The following TENM4 variants were observed in gnomAD, a reference collection of about 807,000 sequenced individuals.
TENM4 encodes the protein teneurin transmembrane protein 4.
Under a neutral mutation model 243.3 loss-of-function variants are expected in TENM4, and 82 were observed. The ratio of observed to expected loss-of-function variants is 0.34; its 90% CI spans 0.28 to 0.40. TENM4 has a LOEUF of 0.40. TENM4 is among the 10% of genes least tolerant of loss of function. The pLI is 1.00. For synonymous variants in TENM4, 1,412 were observed against 1,456.3 expected (o/e 0.97, Z 0.69); for missense variants, 3,138 against 3,673.3 (o/e 0.85, Z 3.77).
At chr11:79,385,096 A>T (rs994966437) in intron 1 of TENM4, among the ~76,000 whole-genome samples, 9 of 152,128 alleles carry the variant, frequency 5.9e-5, no homozygotes, top group Non-Finnish European at 1.3e-4. Flanking sequence ...CATTGGAGAG[A>T]AAGAAAGGCT....
At chr11:78,720,701 A>G (rs553374840) in intron 24 of TENM4, among the ~76,000 whole-genome samples, 12 of 152,334 alleles carry the variant, frequency 7.9e-5, no homozygotes, top group Admixed American at 7.2e-4. Flanking sequence ...AGATTGGAAT[A>G]GTGGATTCTC....
At chr11:78,798,132 A>T (rs1213170008) in intron 15 of TENM4, among the ~76,000 whole-genome samples, 1 of 152,238 alleles carries the variant, frequency 6.6e-6, no homozygotes, top group Non-Finnish European at 1.5e-5. Flanking sequence ...CATTAATAAG[A>T]ATTAAATTCT....
At chr11:79,085,187 A>G (rs2137038193) in intron 4 of TENM4, among the ~76,000 whole-genome samples, 1 of 151,876 alleles carries the variant, frequency 6.6e-6, no homozygotes, top group Non-Finnish European at 1.5e-5. Context: ...CCTGGCTAAC[A>G]TGGTGAAACC....
chr11:79,439,874 G>T (rs942996384), intron 1 of TENM4, among the ~76,000 whole-genome samples: 1 of 152,120 alleles, frequency 6.6e-6, no homozygotes, highest in African/African-American at 2.4e-5. Context: ...TCCATCTGGC[G>T]GCTGCAGCCT....
intron 28 of TENM4, among the ~76,000 whole-genome samples, chr11:78,697,528 A>C (rs2135751504): frequency 6.6e-6 from 1 of 152,342 alleles, no homozygotes. Context: ...CGTTGGGAGC[A>C]CTGGCAGTGC....
intron 6 of TENM4, among the ~76,000 whole-genome samples, chr11:78,967,698 C>T (rs1857465614): frequency 6.6e-6 from 1 of 152,110 alleles, no homozygotes; most frequent in African/African-American, 2.4e-5. Flanking sequence ...TCCCACATGT[C>T]CTGGTTATCA....
chr11:78,752,595 C>A (rs559738612), intron 19 of TENM4, among the ~76,000 whole-genome samples: 1 of 152,350 alleles, frequency 6.6e-6, no homozygotes, highest in African/African-American at 2.4e-5. Flanking sequence ...TGGCACAGCA[C>A]ATGGGGTGCA....
At chr11:79,218,378 G>C (rs1440429244) in intron 2 of TENM4, among the ~76,000 whole-genome samples, 1 of 152,090 alleles carries the variant, frequency 6.6e-6, no homozygotes, top group Non-Finnish European at 1.5e-5. Flanking sequence ...GTGGCTTTTA[G>C]GACACAGAGC....
chr11:79,016,973 A>G (rs1432249710), intron 6 of TENM4, among the ~76,000 whole-genome samples: 1 of 152,242 alleles, frequency 6.6e-6, no homozygotes, highest in Non-Finnish European at 1.5e-5. Context: ...AGGAGGGACT[A>G]TAAGACCTAT....
At chr11:78,886,263 T>C (rs1855548276) in intron 9 of TENM4, among the ~76,000 whole-genome samples, 1 of 152,252 alleles carries the variant, frequency 6.6e-6, no homozygotes, top group Non-Finnish European at 1.5e-5. Flanking sequence ...TTTTGCCTGT[T>C]GATTAGATCG....
chr11:79,002,195 G>T (rs1440169668), intron 6 of TENM4, among the ~76,000 whole-genome samples: 7 of 152,162 alleles, frequency 4.6e-5, no homozygotes, highest in African/African-American at 1.7e-4. Flanking sequence ...TTCTGTAAAC[G>T]TGTGCACAGA....
intron 2 of TENM4, among the ~76,000 whole-genome samples, chr11:79,276,259 C>T (rs1023024492): frequency 3.9e-5 from 6 of 152,236 alleles, no homozygotes; most frequent in Admixed American, 2.0e-4. Flanking sequence ...TAATGGCATA[C>T]TGTATAAGAC....
At chr11:78,950,798 T>A (rs575944755) in intron 6 of TENM4, among the ~76,000 whole-genome samples, 1 of 152,346 alleles carries the variant, frequency 6.6e-6, no homozygotes, top group African/African-American at 2.4e-5. Flanking sequence ...ACTCCGAGGT[T>A]AAAAGCATTT....
At chr11:78,845,731 C>A (rs1331352841) in intron 12 of TENM4, among the ~76,000 whole-genome samples, 1 of 151,800 alleles carries the variant, frequency 6.6e-6, no homozygotes, top group East Asian at 1.9e-4. Flanking sequence ...GTGGAAAAGC[C>A]AGCTGGCAAA....
intron 21 of TENM4, 143 bp from the exon 22 acceptor site, chr11:78,729,786 A>T (rs1855608208): frequency 2.7e-6 from 3 of 1,093,882 alleles, no homozygotes; most frequent in Non-Finnish European, 3.9e-6. Flanking sequence ...AAGAGGAGAC[A>T]GTGGAAAGAA....
chr11:79,031,930 A>G (rs1221564812), intron 6 of TENM4, among the ~76,000 whole-genome samples: 1 of 152,212 alleles, frequency 6.6e-6, no homozygotes, highest in Admixed American at 6.5e-5. Context: ...GCCACTAAAC[A>G]TCCTACAATG....
chr11:79,413,651 T>C (rs111918590), intron 1 of TENM4, among the ~76,000 whole-genome samples: 2,063 of 152,228 alleles, frequency 0.014, 50 homozygotes, highest in African/African-American at 0.047. Context: ...ATGTAATGCA[T>C]AAATCTTGTT....
At chr11:79,278,229 G>A (rs982713758) in intron 2 of TENM4, among the ~76,000 whole-genome samples, 2 of 152,196 alleles carry the variant, frequency 1.3e-5, no homozygotes, top group African/African-American at 4.8e-5. Flanking sequence ...AGTTGGTGAT[G>A]CCTAAGGGGT....
chr11:79,427,486 G>GCAA (rs951909233), intron 1 of TENM4, among the ~76,000 whole-genome samples: 2 of 152,222 alleles, frequency 1.3e-5, no homozygotes, highest in Non-Finnish European at 2.9e-5. Context: ...GATTAAGGTT[G>GCAA]CAAAACAATG....
Sources: allele counts gnomAD v4.1 joint callset (sites outside exome capture counted in the v4.1 genomes callset), GRCh38; gene constraint gnomAD v4.1.1; transcripts MANE v1.5; gene names NCBI Gene and HGNC (gene_info 2026-07-23, HGNC 2026-07-21).